Variants in ARHGAP24 observed in about 807,000 individuals in gnomAD.
The protein encoded by ARHGAP24 is rho GTPase-activating protein 24.
A neutral mutation model predicts 76.4 loss-of-function variants in ARHGAP24; 50 were observed. That is an observed-to-expected ratio of 0.65 (90% CI 0.52 to 0.83). The LOEUF (loss-of-function observed/expected upper bound fraction) is 0.83, where lower values mean the gene tolerates loss of function less well. Among genes scored for constraint, ARHGAP24 ranks in the 40% least tolerant of loss-of-function variants. The pLI is 0.00. For missense variants in ARHGAP24, 930 were observed against 914.2 expected (o/e 1.02, Z -0.22); for synonymous variants, 345 against 323.3 (o/e 1.07, Z -0.72).
intron 5 of ARHGAP24, among the ~76,000 whole-genome samples, chr4:85,955,016 T>C (rs1184588267): frequency 6.6e-6 from 1 of 152,054 alleles, no homozygotes; most frequent in African/African-American, 2.4e-5. Flanking sequence ...GTCTCAAAAA[T>C]AAATAAATAA....
In ARHGAP24 at chr4:85,988,823, T is replaced by TAAAG. The variant is rs759764141; in HGVS notation, c.929-5758_929-5755dup. ...TACTGTATACACATCATTTAAAATA[T>TAAAG]AAAGATACAGGTATGTTTAAAAACT... On this transcript the variant is annotated intron_variant, in intron 8 of 9. Transcript: ENST00000395184. Among the ~76,000 whole-genome samples the TAAAG allele has an allele frequency of 4.0e-5, 6 of 151,656 alleles. No homozygotes were observed. In the East Asian group the frequency reaches 1.2e-3, roughly 29 times the overall value.
At chr4:85,866,707 T>A (rs13134118) in intron 3 of ARHGAP24, among the ~76,000 whole-genome samples, 17,453 of 152,070 alleles carry the variant, frequency 0.11, 1,009 homozygotes, top group Middle Eastern at 0.14. Context: ...TCTGTGAGGA[T>A]CACACCCACA....
At chr4:85,972,436 G>A (rs1739042811) in intron 6 of ARHGAP24, 18 of 451,866 alleles carry the variant, frequency 4.0e-5, no homozygotes, top group South Asian at 3.7e-4. Flanking sequence ...GCAGTGCTAT[G>A]TCAGGCCACA....
intron 3 of ARHGAP24, among the ~76,000 whole-genome samples, chr4:85,775,001 GAT>G (rs927105415): frequency 9.2e-5 from 14 of 152,022 alleles, no homozygotes; most frequent in Non-Finnish European, 8.8e-5. Context: ...TATATATCGT[GAT>G]ATCTTTCTGA....
chr4:85,546,648 T>TAA (rs1435298675), intron 1 of ARHGAP24, among the ~76,000 whole-genome samples: 1 of 152,226 alleles, frequency 6.6e-6, no homozygotes, highest in African/African-American at 2.4e-5. Context: ...TCCAAAGACA[T>TAA]GTTTACCAAC....
chr4:85,867,907 A>ATATGTATGTATATATATG (rs372968277), intron 3 of ARHGAP24, among the ~76,000 whole-genome samples: 6 of 144,918 alleles, frequency 4.1e-5, no homozygotes, highest in Non-Finnish European at 9.0e-5. Flanking sequence ...ACATATATAT[A>ATATGTATGTATATATATG]TACATATATG....
chr4:85,608,780 G>A (rs1219519327), intron 2 of ARHGAP24, among the ~76,000 whole-genome samples: 5 of 151,816 alleles, frequency 3.3e-5, no homozygotes, highest in East Asian at 3.9e-4. Context: ...GACTGGTCTC[G>A]AACTCCTGAC....
intron 4 of ARHGAP24, among the ~76,000 whole-genome samples, chr4:85,925,982 G>A (rs10516765): frequency 0.035 from 5,286 of 152,080 alleles, 216 homozygotes; most frequent in East Asian, 0.091. Context: ...TTTTTGTTGA[G>A]GGATTATTTA....
chr4:85,648,533 G>A (rs1187942588), intron 2 of ARHGAP24, among the ~76,000 whole-genome samples: 1 of 151,992 alleles, frequency 6.6e-6, no homozygotes. Flanking sequence ...AGATACATGA[G>A]CTTCACCCCA....
At chr4:85,493,921 AT>A (rs1296809595) in intron 1 of ARHGAP24, among the ~76,000 whole-genome samples, 4 of 152,226 alleles carry the variant, frequency 2.6e-5, no homozygotes, top group Admixed American at 2.6e-4. Flanking sequence ...GCCTTAGAAT[AT>A]AGGGTCAAAA....
intron 3 of ARHGAP24, among the ~76,000 whole-genome samples, chr4:85,873,529 G>C (rs1732658498): frequency 6.6e-6 from 1 of 152,156 alleles, no homozygotes. Context: ...CATAGCAGGA[G>C]CTCATACGGT....
chr4:85,644,006 A>G (rs796519737), intron 2 of ARHGAP24, among the ~76,000 whole-genome samples: 3 of 152,296 alleles, frequency 2.0e-5, no homozygotes, highest in African/African-American at 7.2e-5. Flanking sequence ...TTTGGTGAAG[A>G]GTTTAGTCTT....
chr4:85,966,905 C>T (rs899511350), intron 5 of ARHGAP24, among the ~76,000 whole-genome samples: 4 of 152,000 alleles, frequency 2.6e-5, no homozygotes, highest in Non-Finnish European at 5.9e-5. Context: ...GGGATTATAC[C>T]GTATTCTCTA....
At chr4:85,640,512 A>G (rs1721482738) in intron 2 of ARHGAP24, among the ~76,000 whole-genome samples, 1 of 152,164 alleles carries the variant, frequency 6.6e-6, no homozygotes, top group Non-Finnish European at 1.5e-5. Context: ...ACATTTTAAA[A>G]CATCCTACCT....
At chr4:85,765,945 A>T (rs189485150) in intron 3 of ARHGAP24, among the ~76,000 whole-genome samples, 1 of 152,258 alleles carries the variant, frequency 6.6e-6, no homozygotes, top group Admixed American at 6.5e-5. Context: ...ATTTTTTGTA[A>T]ATTTTTTTGC....
chr4:85,853,138 G>A (rs757942315), intron 3 of ARHGAP24, among the ~76,000 whole-genome samples: 20 of 152,188 alleles, frequency 1.3e-4, no homozygotes, highest in Non-Finnish European at 2.8e-4. Context: ...TGCCAAGTTC[G>A]AGCTTCCTGG....
intron 3 of ARHGAP24, among the ~76,000 whole-genome samples, chr4:85,834,305 A>G (rs1291750600): frequency 6.6e-6 from 1 of 152,204 alleles, no homozygotes; most frequent in Non-Finnish European, 1.5e-5. Flanking sequence ...TCCTCATAGT[A>G]GGTCCTTTTT....
chr4:85,814,921 A>G (rs1350991259), intron 3 of ARHGAP24, among the ~76,000 whole-genome samples: 2 of 152,228 alleles, frequency 1.3e-5, no homozygotes, highest in African/African-American at 4.8e-5. Flanking sequence ...AGGCATTTCC[A>G]TACATCTTCT....
At chr4:85,509,182 C>G (rs1244822163) in intron 1 of ARHGAP24, among the ~76,000 whole-genome samples, 1 of 113,984 alleles carries the variant, frequency 8.8e-6, no homozygotes, top group Non-Finnish European at 1.6e-5. Context: ...ACATCACACT[C>G]TGGGGACTGT....
Sources: gnomAD v4.1 joint callset for allele counts (sites outside exome capture counted in the v4.1 genomes callset) on GRCh38, gnomAD v4.1.1 for gene constraint, MANE v1.5 for transcripts, NCBI Gene and HGNC (gene_info 2026-07-23, HGNC 2026-07-21) for gene names.